The following PDGFRL variants were observed in gnomAD, a reference collection of about 807,000 sequenced individuals.
PDGFRL encodes the protein platelet derived growth factor receptor like.
A neutral mutation model predicts 37.2 loss-of-function variants in PDGFRL; 46 were observed. The observed-to-expected ratio is 1.24, with a 90% CI of 0.98 to 1.58. The LOEUF (loss-of-function observed/expected upper bound fraction) is 1.58. Among genes scored for constraint, PDGFRL ranks in the 40% most tolerant of loss-of-function variants. The pLI is 0.00. For missense variants in PDGFRL, 692 were observed against 467.6 expected (o/e 1.48, Z -4.43); for synonymous variants, 251 against 184.3 (o/e 1.36, Z -2.93).
intron 1 of PDGFRL, among the ~76,000 whole-genome samples, chr8:17,582,580 CAAAA>C (rs541086616): frequency 8.9e-4 from 95 of 107,046 alleles, no homozygotes; most frequent in African/African-American, 2.5e-3. Flanking sequence ...GACTCTGTCT[CAAAA>C]AAAAAAAAAA....
chr8:17,587,638 G>GTT (rs1396475393), intron 1 of PDGFRL, among the ~76,000 whole-genome samples: 1 of 151,898 alleles, frequency 6.6e-6, no homozygotes, highest in African/African-American at 2.4e-5. Flanking sequence ...CGGACTTGTG[G>GTT]GCTCAAGTCT....
intron 1 of PDGFRL, among the ~76,000 whole-genome samples, chr8:17,588,227 ACAGTT>A (rs764135398): frequency 6.6e-5 from 10 of 152,238 alleles, no homozygotes; most frequent in Non-Finnish European, 1.5e-4. Flanking sequence ...TGCTACAGTT[ACAGTT>A]GAGTTTTGAT....
chr8:17,617,611 C>T lies in PDGFRL; in HGVS notation c.354-3440C>T, dbSNP rs181992511. ...GACATTCTAAATCCAGGCCCTGAAA[C>T]TGTAATCCCACTAAATAATTTGTTT... On this transcript the variant is annotated intron_variant, in intron 2 of 5. Coordinates refer to ENST00000251630, the MANE Select transcript of PDGFRL (RefSeq NM_001372073.1). Among the ~76,000 whole-genome samples the T allele has an allele frequency of 6.1e-3, 924 of 152,314 alleles. 4 individuals carry two copies. The highest frequency in any genetic ancestry group is 0.01 in the Middle Eastern group (3 of 294).
At chr8:17,609,403 AGG>A (rs1804355302) in intron 2 of PDGFRL, among the ~76,000 whole-genome samples, 3 of 151,556 alleles carry the variant, frequency 2.0e-5, no homozygotes, top group Admixed American at 6.6e-5. Context: ...GTTACTTGGG[AGG>A]CGCAGGTTGC....
chr8:17,613,589 C>T (rs958326501), intron 2 of PDGFRL, among the ~76,000 whole-genome samples: 18 of 152,042 alleles, frequency 1.2e-4, no homozygotes, highest in African/African-American at 4.1e-4. Flanking sequence ...TTCAATAATC[C>T]AGAGAAGCCC....
intron 2 of PDGFRL, among the ~76,000 whole-genome samples, chr8:17,592,884 G>C (rs934048079): frequency 1.3e-5 from 2 of 151,316 alleles, no homozygotes; most frequent in Non-Finnish European, 2.9e-5. Context: ...AAGCCTCCCT[G>C]ATACATTTGT....
In PDGFRL at chr8:17,621,405, G is replaced by GTTT. The variant is rs111351818; in HGVS notation, c.505+214_505+216dup. On this transcript the variant is annotated intron_variant, in intron 3 of 5. Coordinates refer to ENST00000251630, the MANE Select transcript of PDGFRL (RefSeq NM_001372073.1). ...CAGGGCAAATACTAATATTATTCCTGTTTTTTTTTTTTTCAGATGGGAAAG... is the reference window on the plus strand; with the variant it reads ...CAGGGCAAATACTAATATTATTCCTGTTTTTTTTTTTTTTTTCAGATGGGAAAG... Among the ~76,000 whole-genome samples the GTTT allele has an allele frequency of 3.9e-3, 558 of 141,400 alleles. 1 individual carries two copies. The highest frequency in any genetic ancestry group is 0.012 in the African/African-American group (453 of 38,818). 92.8% of individuals were successfully genotyped at this position (141,400 alleles called of 152,430 possible).
chr8:17,600,332 C>A (rs1392782962), intron 2 of PDGFRL, among the ~76,000 whole-genome samples: 1 of 152,118 alleles, frequency 6.6e-6, no homozygotes, highest in Non-Finnish European at 1.5e-5. Context: ...TCTCACAGCC[C>A]TTCTGGAGTC....
At chr8:17,599,243 G>A (rs1251155879) in intron 2 of PDGFRL, among the ~76,000 whole-genome samples, 1 of 152,078 alleles carries the variant, frequency 6.6e-6, no homozygotes, top group African/African-American at 2.4e-5. Context: ...CGTCACCCAA[G>A]CAGTATACAC....
chr8:17,577,436 T>C, intron 1 of PDGFRL, 129 bp downstream of exon 1: 1 of 770,694 alleles, frequency 1.3e-6, no homozygotes, highest in Non-Finnish European at 2.2e-6. Context: ...CCCGCGCCAC[T>C]GCCTGCCCGG....
intron 5 of PDGFRL, among the ~76,000 whole-genome samples, chr8:17,640,734 C>G (rs568688616): frequency 1.3e-5 from 2 of 152,134 alleles, no homozygotes; most frequent in Non-Finnish European, 1.5e-5. Flanking sequence ...GTTTATTGCA[C>G]TAGTTTTGTG....
chr8:17,625,493 T>C (rs897524294), intron 3 of PDGFRL, among the ~76,000 whole-genome samples: 2 of 152,094 alleles, frequency 1.3e-5, no homozygotes, highest in African/African-American at 4.8e-5. Context: ...TTAGTTTTCT[T>C]TAAGTAAAAC....
Position 17,621,053 on chromosome 8 carries a change from T to C in PDGFRL, c.356T>C (p.Val119Ala). 1 of 1,597,212 alleles carries C rather than the reference T, an allele frequency of 6.3e-7. No homozygotes were observed. Among genetic ancestry groups the C allele is most frequent in the Non-Finnish European group, 8.6e-7 (1 of 1,168,802 alleles). The change falls in exon 3 of 6, where the codon GTC becomes GCC. Residue 119 changes from valine to alanine, a missense_variant and splice_region_variant. By Grantham distance (64) the Val-to-Ala change is moderately conservative. Transcript: ENST00000251630. ...GTTCATGTGTCTTTTATTCCTAGCGTCAAGCAGAATGAGCGCTACGGCCAG... is the reference window on the plus strand; with the variant it reads ...GTTCATGTGTCTTTTATTCCTAGCGCCAAGCAGAATGAGCGCTACGGCCAG... ...LDTFKDSRLS[V>A]KQNERYGQLT... is the part of the protein sequence containing the mutation.
At chr8:17,618,735 T>G (rs1271032913) in intron 2 of PDGFRL, among the ~76,000 whole-genome samples, 1 of 152,048 alleles carries the variant, frequency 6.6e-6, no homozygotes, top group Non-Finnish European at 1.5e-5. Flanking sequence ...GTTTAGGGAG[T>G]CCTTACTGCA....
At chr8:17,585,780 T>A (rs1380198218) in intron 1 of PDGFRL, among the ~76,000 whole-genome samples, 1 of 152,196 alleles carries the variant, frequency 6.6e-6, no homozygotes, top group Non-Finnish European at 1.5e-5. Flanking sequence ...ATGAATTTAT[T>A]TTCTCCTCCA....
rs1407690614 is a variant in PDGFRL, at chr8:17,589,579, A to T, written c.167A>T (p.Asp56Val). ...KPKIPKMKDR[D>V]SANSAPKTQS... ...AAAATTCCTAAAATGAAGGACAGGG[A>T]CTCAGCCAATTCAGCACCAAAGACG... The change falls in exon 2 of 6, where the codon GAC (aspartate) becomes GTC (valine). Residue 56 changes from aspartate (D) to valine (V), a missense_variant. Transcript: ENST00000251630. 6.2e-7 allele frequency: 1 copy of T among 1,613,868 alleles called. No homozygotes were observed. The highest frequency in any genetic ancestry group is 1.7e-5 in the Admixed American group (1 of 60,020).
intron 2 of PDGFRL, among the ~76,000 whole-genome samples, chr8:17,618,325 G>T (rs1293327643): frequency 1.3e-5 from 2 of 152,058 alleles, no homozygotes; most frequent in African/African-American, 4.8e-5. Flanking sequence ...CAAAGTGTTG[G>T]GATTATAGGC....
At chr8:17,576,756 T>A, upstream of PDGFRL, 1 of 895,082 alleles carries the variant, frequency 1.1e-6, no homozygotes, top group Non-Finnish European at 1.3e-6. Context: ...GCAACGGTCC[T>A]GTGAGTGAGT....
intron 2 of PDGFRL, among the ~76,000 whole-genome samples, chr8:17,619,335 A>G (rs2237832): frequency 0.54 from 82,518 of 152,054 alleles, 22,763 homozygotes; most frequent in Middle Eastern, 0.67. Flanking sequence ...AGAATTAATT[A>G]CCATTGAAAT....
Sources: gnomAD v4.1 joint callset for allele counts (sites outside exome capture counted in the v4.1 genomes callset) on GRCh38, gnomAD v4.1.1 for gene constraint, MANE v1.5 for transcripts, NCBI Gene and HGNC (gene_info 2026-07-23, HGNC 2026-07-21) for gene names.